SH3BP5: variants seen among roughly 807,000 people sequenced by gnomAD.
SH3BP5 encodes SH3 domain binding protein 5.
A neutral mutation model predicts 43.3 loss-of-function variants in SH3BP5; 22 were observed. The observed-to-expected ratio is 0.51, with a 90% CI of 0.36 to 0.73. SH3BP5 has a LOEUF of 0.73. SH3BP5 is among the 30% of genes least tolerant of loss of function. SH3BP5 has a pLI of 0.00. For missense variants in SH3BP5, 529 were observed against 586.9 expected (o/e 0.90, Z 1.02); for synonymous variants, 255 against 225.8 (o/e 1.13, Z -1.16).
intron 3 of SH3BP5, among the ~76,000 whole-genome samples, chr3:15,290,356 C>G (rs1443111668): frequency 6.6e-6 from 1 of 151,944 alleles, no homozygotes; most frequent in Non-Finnish European, 1.5e-5. Context: ...GAAATCCCAT[C>G]TCTACTAAAA....
At chr3:15,260,518 A>T (rs1696395909) in intron 5 of SH3BP5, 1 of 152,546 alleles carries the variant, frequency 6.6e-6, no homozygotes, top group Non-Finnish European at 1.5e-5. Context: ...TTCACCCTCC[A>T]TGAAGCTCTC....
rs561763223 is a variant in SH3BP5, at chr3:15,329,618, C to T, written c.201+886G>A. Among the ~76,000 whole-genome samples, 12 of 152,338 alleles carry T rather than the reference C, an allele frequency of 7.9e-5. No homozygotes were observed. The South Asian group carries it at 2.3e-3, about 29-fold the overall frequency. ...ATCCTGGTAGATTATATTCCTATCT[C>T]CCACACTCTCACTCTTAGGGACCAT... is the stretch of plus-strand genomic sequence containing the variant. On this transcript the variant is annotated intron_variant, in intron 2 of 8. Coordinates refer to ENST00000383791, the MANE Select transcript of SH3BP5 (RefSeq NM_004844.5).
At chr3:15,272,437 G>A (rs1183582994) in intron 3 of SH3BP5, among the ~76,000 whole-genome samples, 2 of 152,196 alleles carry the variant, frequency 1.3e-5, no homozygotes, top group Non-Finnish European at 2.9e-5. Flanking sequence ...GCCTCTTAAA[G>A]GAGGAGGATC....
Position 15,296,694 on chromosome 3 carries a change from C to CTTTTTTTTT in SH3BP5, c.330+7400_330+7408dup, listed in dbSNP as rs370273754. The stretch of plus-strand genomic sequence containing the variant: ...ATCCTCCACTTACGAAGTGTTTTTC[C>CTTTTTTTTT]TTTTTTTTTTTTTTTTTGAGACAGG... On this transcript the variant is annotated intron_variant, in intron 3 of 8. Transcript: ENST00000383791. Among the ~76,000 whole-genome samples the CTTTTTTTTT allele has an allele frequency of 1.9e-3, 243 of 124,904 alleles. 10 individuals carry two copies. The highest frequency in any genetic ancestry group is 5.4e-3 in the African/African-American group (157 of 28,942). 81.9% of individuals were successfully genotyped at this position (124,904 alleles called of 152,430 possible).
At chr3:15,337,943 C>T (rs1438350793) in intron 1 of SH3BP5, among the ~76,000 whole-genome samples, 4 of 150,524 alleles carry the variant, frequency 2.7e-5, no homozygotes, top group African/African-American at 9.8e-5. Flanking sequence ...AAAAAGTGCC[C>T]CAAAGCAGCA....
chr3:15,260,043 G>A (rs772294838), intron 5 of SH3BP5: 18 of 557,686 alleles, frequency 3.2e-5, no homozygotes, highest in Non-Finnish European at 4.2e-5. Context: ...CTCAAGACAC[G>A]GGGAACCCAC....
chr3:15,306,054 T>TTAAAAAAAAAA (rs377355419), intron 2 of SH3BP5, among the ~76,000 whole-genome samples: 1 of 137,032 alleles, frequency 7.3e-6, no homozygotes, highest in African/African-American at 2.9e-5. Context: ...TGCATGAGTT[T>TTAAAAAAAAAA]AAAAAAAAAA....
intron 2 of SH3BP5, among the ~76,000 whole-genome samples, chr3:15,318,747 A>G (rs1166598323): frequency 1.3e-5 from 2 of 151,862 alleles, no homozygotes; most frequent in African/African-American, 4.8e-5. Context: ...TCTTTTTTGT[A>G]TTTTAGTAGA....
At chr3:15,296,849 A>G (rs562734631) in intron 3 of SH3BP5, among the ~76,000 whole-genome samples, 18 of 145,920 alleles carry the variant, frequency 1.2e-4, no homozygotes, top group Non-Finnish European at 2.2e-4. Flanking sequence ...AAGCACCACC[A>G]TGTCTGGCTT....
At chr3:15,298,187 C>T (rs1229647559) in intron 3 of SH3BP5, among the ~76,000 whole-genome samples, 2 of 151,928 alleles carry the variant, frequency 1.3e-5, no homozygotes, top group Non-Finnish European at 2.9e-5. Context: ...AGGCTGGCCT[C>T]GAACTCTTGG....
intron 3 of SH3BP5, chr3:15,273,342 GC>G: frequency 1.0e-6 from 1 of 985,278 alleles, no homozygotes; most frequent in Non-Finnish European, 1.2e-6. Context: ...TGTACCACGG[GC>G]CCAGCACCTC....
In SH3BP5 at chr3:15,256,279, T is replaced by G; in HGVS notation, c.1175A>C (p.Asn392Thr). ...GTTGTTGGCTTTGTCACTTGTTTTA[T>G]TCTCTGCCCCTTCTGCCCTGTCTCC... ...ERGDRAEGAE[N>T]KTSDKANNNR... is the part of the protein sequence containing the mutation. The change falls in exon 9 of 9, where the codon AAT becomes ACT. Residue 392 changes from asparagine (N) to threonine (T), a missense_variant. Physicochemically the swap from Asn to Thr is moderately conservative, Grantham distance 65 (BLOSUM62 0). Coordinates refer to ENST00000383791, the MANE Select transcript of SH3BP5 (RefSeq NM_004844.5). 1 of 1,614,226 alleles carries G rather than the reference T, an allele frequency of 6.2e-7. No individual in the cohort carries two copies. The highest frequency in any genetic ancestry group is 1.1e-5 in the South Asian group (1 of 91,090).
Position 15,265,512 on chromosome 3 carries a change from T to TCACACACACACACACACACACA in SH3BP5, c.496-3245_496-3224dup, listed in dbSNP as rs368955496. On this transcript the variant is annotated intron_variant, in intron 4 of 8. Transcript: ENST00000383791. ...GCCTGAGCTACAGGGCGAGACTCCG[T>TCACACACACACACACACACACA]CACACACACACACACACACACACAC... Among the ~76,000 whole-genome samples the TCACACACACACACACACACACA allele has an allele frequency of 9.0e-3, 974 of 107,936 alleles. 30 individuals are homozygous for TCACACACACACACACACACACA. The highest frequency in any genetic ancestry group is 0.014 in the Middle Eastern group (3 of 218). 70.8% of individuals were successfully genotyped at this position (107,936 alleles called of 152,430 possible).
chr3:15,259,558 A>G (rs940836942), intron 6 of SH3BP5: 1 of 665,362 alleles, frequency 1.5e-6, no homozygotes, highest in Admixed American at 2.4e-5. Flanking sequence ...ACAACAGAGA[A>G]GGTGACTGAA....
In SH3BP5 at chr3:15,272,527, C is replaced by CAGGA. The variant is rs113126371; in HGVS notation, c.331-2651_331-2650insTCCT. 1.0e-3 allele frequency among the ~76,000 whole-genome samples: 123 copies of CAGGA among 119,482 alleles called. 1 individual carries two copies. Among genetic ancestry groups the CAGGA allele is most frequent in the African/African-American group, 2.7e-3 (99 of 36,670 alleles). 78.4% of individuals were successfully genotyped at this position (119,482 alleles called of 152,430 possible). On this transcript the variant is annotated intron_variant, in intron 3 of 8. Coordinates refer to ENST00000383791, the MANE Select transcript of SH3BP5 (RefSeq NM_004844.5). ...GGGACAGAAGGAAGGATTTGAGACT[C>CAGGA]TAAAGACATTACAAAACAGAGTGCC...
In SH3BP5 at chr3:15,269,794, C is replaced by G. The variant is rs201356590; in HGVS notation, c.414G>C (p.Leu138=). The G allele has an allele frequency of 3.5e-5, 56 of 1,611,942 alleles. No homozygotes were observed. The Admixed American group carries it at 8.0e-4, about 23-fold the overall frequency. ...CATCCTCCAGCAGCCGCTGCTCGGC[C>G]AGGGAGATGGTCTCCTTGGCGGCAC... is the stretch of plus-strand genomic sequence containing the variant. ...VLRAAKETIS[L]AEQRLLEDDK... is the part of the protein sequence containing the mutation. The change falls in exon 4 of 9, where the codon CTG becomes CTC. Residue 138 remains leucine, a synonymous_variant. Transcript: ENST00000383791.
At chr3:15,259,730 C>CG (rs1448525822) in intron 6 of SH3BP5, 31 bp downstream of exon 6, 1 of 1,610,812 alleles carries the variant, frequency 6.2e-7, no homozygotes, top group Middle Eastern at 1.7e-4. Flanking sequence ...AGAAAAATCT[C>CG]ATCAGTGACG....
At chr3:15,286,433 A>G (rs1293128892) in intron 3 of SH3BP5, among the ~76,000 whole-genome samples, 1 of 152,234 alleles carries the variant, frequency 6.6e-6, no homozygotes, top group East Asian at 1.9e-4. Context: ...ACTTCAGCCA[A>G]TGGAACTGAG....
chr3:15,337,084 G>GTTTTTTTGTTTTTTTT (rs1698708812), upstream of SH3BP5, among the ~76,000 whole-genome samples: 1 of 100,128 alleles, frequency 1.0e-5, no homozygotes, highest in African/African-American at 4.0e-5. Context: ...TTTTAGTTTA[G>GTTTTTTTGTTTTTTTT]TTTTTTTTTT....
Sources: gnomAD v4.1 joint callset for allele counts (sites outside exome capture counted in the v4.1 genomes callset) on GRCh38, gnomAD v4.1.1 for gene constraint, MANE v1.5 for transcripts, NCBI Gene and HGNC (gene_info 2026-07-23, HGNC 2026-07-21) for gene names.